Variants in DMXL1 observed in about 807,000 individuals in gnomAD.
DMXL1 encodes Dmx like 1, also known as dmX-like protein 1.
In DMXL1, 99 loss-of-function variants were observed where a neutral mutation model predicts 319.2. The observed-to-expected ratio is 0.31, with a 90% confidence interval of 0.26 to 0.37. The LOEUF (loss-of-function observed/expected upper bound fraction) is 0.37. Among genes scored for constraint, DMXL1 ranks in the 10% least tolerant of loss-of-function variants. DMXL1 has a pLI of 1.00. For missense variants in DMXL1, 3,745 were observed against 3,595.6 expected, an observed-to-expected ratio of 1.04 and a Z score of -1.06; for synonymous variants, 1,385 against 1,235.2, an observed-to-expected ratio of 1.12 and a Z score of -2.54.
intron 1 of DMXL1, among the ~76,000 whole-genome samples, chr5:119,077,433 A>G (rs1466736934): frequency 6.4e-5 from 9 of 139,772 alleles, no homozygotes; most frequent in Non-Finnish European, 1.4e-4. Context: ...CCAGTTTTAC[A>G]TTTTGATTTA....
chr5:119,101,439 T>C (rs902241988), intron 2 of DMXL1, among the ~76,000 whole-genome samples: 1 of 152,212 alleles, frequency 6.6e-6, no homozygotes, highest in Non-Finnish European at 1.5e-5. Context: ...GGAAAGGTTA[T>C]GATCCATCAA....
At chr5:119,165,426 A>G (rs1015790068) in intron 21 of DMXL1, 146 bp downstream of exon 21, 6 of 536,124 alleles carry the variant, frequency 1.1e-5, no homozygotes, top group African/African-American at 9.7e-5. Flanking sequence ...GAGATTTCGT[A>G]AGGAAAAAGC....
At chr5:119,218,904 T>A (rs575615927) in intron 35 of DMXL1, among the ~76,000 whole-genome samples, 1 of 152,326 alleles carries the variant, frequency 6.6e-6, no homozygotes, top group South Asian at 2.1e-4. Flanking sequence ...ATGAAGGGTC[T>A]CAGATTTTAC....
At chr5:119,224,048 T>C (rs954839118) in intron 37 of DMXL1, among the ~76,000 whole-genome samples, 3 of 152,130 alleles carry the variant, frequency 2.0e-5, no homozygotes, top group African/African-American at 7.2e-5. Context: ...TTATCCCTCT[T>C]CTTTTCTCTG....
At chr5:119,116,810 A>C in intron 7 of DMXL1, among the ~76,000 whole-genome samples, 1 of 152,184 alleles carries the variant, frequency 6.6e-6, no homozygotes, top group Middle Eastern at 3.2e-3. Flanking sequence ...TGAGGAAAAG[A>C]GAGAGTAGGT....
At position 119,167,752 on chromosome 5, in the gene DMXL1, G is replaced by T. The variant is rs760451877; in HGVS notation, c.5286G>T (p.Leu1762Phe). The T allele has an allele frequency of 4.0e-5, 65 of 1,613,516 alleles. No homozygotes were observed. In the South Asian group the frequency reaches 6.9e-4, roughly 17 times the overall value. Residue 1762 changes from leucine to phenylalanine, a missense_variant, in exon 23 of 44, where the codon TTG (leucine) becomes TTT (phenylalanine). Leu to Phe is a conservative substitution (Grantham distance 22, BLOSUM62 0). Transcript: ENST00000539542. ...IDSPVSELCS[L>F]NINMHHDPFL... Reference sequence around the variant, plus strand: ...CTCCTGTCAGTGAACTGTGTTCATTGAACATAAATATGCATCATGATCCTT... The same window carrying T: ...CTCCTGTCAGTGAACTGTGTTCATTTAACATAAATATGCATCATGATCCTT...
chr5:119,147,364 A>G lies in DMXL1; in HGVS notation c.2805A>G (p.Ala935=), dbSNP rs779481577. 2 of 1,613,582 alleles carry G rather than the reference A, an allele frequency of 1.2e-6. No individual in the cohort carries two copies. The highest frequency in any genetic ancestry group is 4.5e-5 in the East Asian group (2 of 44,842). The change falls in exon 17 of 44, where the codon GCA becomes GCG. Residue 935 remains alanine, a synonymous_variant. Coordinates refer to ENST00000539542, the MANE Select transcript of DMXL1 (RefSeq NM_001290321.3). ...PFSQKYQACR[A]NLQSTSRLTL... The stretch of plus-strand genomic sequence containing the variant: ...CACAAAAGTATCAGGCTTGCAGAGC[A>G]AATCTCCAGAGTACCAGCAGGTTGA...
chr5:119,082,433 C>T (rs1182166348), intron 1 of DMXL1, among the ~76,000 whole-genome samples: 2 of 152,104 alleles, frequency 1.3e-5, no homozygotes, highest in East Asian at 3.9e-4. Context: ...TCCCACCATG[C>T]CTGGCTAATT....
intron 37 of DMXL1, among the ~76,000 whole-genome samples, chr5:119,223,173 C>T (rs1339559537): frequency 6.6e-6 from 1 of 151,224 alleles, no homozygotes; most frequent in Non-Finnish European, 1.5e-5. Context: ...TCTCCTGCCT[C>T]AGCCTCCCTA....
intron 4 of DMXL1, among the ~76,000 whole-genome samples, chr5:119,107,288 C>T (rs1385689935): frequency 6.6e-6 from 1 of 151,830 alleles, no homozygotes; most frequent in Non-Finnish European, 1.5e-5. Flanking sequence ...CTGCAGTGAG[C>T]CATGATTGTG....
chr5:119,165,819 A>G (rs776862342), intron 21 of DMXL1, among the ~76,000 whole-genome samples: 73 of 152,340 alleles, frequency 4.8e-4, no homozygotes, highest in East Asian at 1.2e-3. Context: ...ACTTGCCCCA[A>G]TGATTCAGTT....
Position 119,206,855 on chromosome 5 carries a change from A to T in DMXL1, c.7885A>T (p.Thr2629Ser). The T allele has an allele frequency of 6.5e-7, 1 of 1,529,420 alleles. No homozygotes were observed. The highest frequency in any genetic ancestry group is 8.8e-7 in the Non-Finnish European group (1 of 1,142,626). The allele number at this position is 1,529,420 out of a possible 1,614,324, so 94.7% of individuals were successfully genotyped here. ...LNESLEDNSE[T>S]IKNSMMEEPN... ...GAAGTCATTAGAGGACAACAGTGAA[A>T]CCATCAAAAATTCTATGATGGAGGA... is the stretch of plus-strand genomic sequence containing the variant. The change falls in exon 34 of 44, where the codon ACC (threonine) becomes TCC (serine). Residue 2629 changes from threonine (T) to serine (S), a missense_variant. Physicochemically the swap from Thr to Ser is moderately conservative, Grantham distance 58. Around this residue, in one of 4 missense-constraint regions of DMXL1, gnomAD observed 1,382 missense variants for 1,269.5 expected, o/e 1.09. Coordinates refer to ENST00000539542, the MANE Select transcript of DMXL1 (RefSeq NM_001290321.3).
chr5:119,240,358 G>A (rs1419902919), intron 41 of DMXL1, 61 bp from the exon 42 acceptor site: 1 of 1,208,826 alleles, frequency 8.3e-7, no homozygotes. Flanking sequence ...AGTTATATAT[G>A]ACATATTTTT....
chr5:119,115,818 G>A (rs1011416127), intron 6 of DMXL1, among the ~76,000 whole-genome samples: 1 of 151,964 alleles, frequency 6.6e-6, no homozygotes, highest in African/African-American at 2.4e-5. Context: ...GTCTGCTAGT[G>A]GTGTTGATTA....
In DMXL1 at chr5:119,121,029, C is replaced by A; in HGVS notation, c.992C>A (p.Thr331Lys). ...RRRSLALVAHTGYLPHQQDPH... is the reference protein window; with the variant it reads ...RRRSLALVAHKGYLPHQQDPH... The stretch of plus-strand genomic sequence containing the variant: ...AGATCACTTGCTCTTGTAGCACATA[C>A]GGGATATCTACCACATCAGCAGGAT... Residue 331 changes from threonine to lysine, a missense_variant, in exon 9 of 44, where the codon ACG (threonine) becomes AAG (lysine). Transcript: ENST00000539542. The A allele has an allele frequency of 1.9e-6, 3 of 1,613,618 alleles. No homozygotes were observed. Among genetic ancestry groups the A allele is most frequent in the Non-Finnish European group, 2.5e-6 (3 of 1,179,866 alleles).
chr5:119,099,026 A>G (rs1756623801), intron 2 of DMXL1, among the ~76,000 whole-genome samples: 4 of 152,174 alleles, frequency 2.6e-5, no homozygotes, highest in Admixed American at 2.6e-4. Context: ...GAATCTTTAC[A>G]TATTTGTTGG....
chr5:119,169,175 G>GC (rs1427161317), intron 23 of DMXL1, among the ~76,000 whole-genome samples: 2 of 152,134 alleles, frequency 1.3e-5, no homozygotes, highest in African/African-American at 4.8e-5. Flanking sequence ...ACCACACCTG[G>GC]CCCTGGCCCA....
chr5:119,184,645 C>T (rs1777374146), intron 28 of DMXL1, among the ~76,000 whole-genome samples: 1 of 152,174 alleles, frequency 6.6e-6, no homozygotes, highest in South Asian at 2.1e-4. Context: ...AACAATTCCC[C>T]CACTTCATAC....
At chr5:119,162,883 T>C (rs1772576360) in intron 19 of DMXL1, among the ~76,000 whole-genome samples, 1 of 152,202 alleles carries the variant, frequency 6.6e-6, no homozygotes, top group Non-Finnish European at 1.5e-5. Flanking sequence ...GTGTTCCGTA[T>C]AGAAAGCATT....
Sources: gnomAD v4.1 joint callset for allele counts (sites outside exome capture counted in the v4.1 genomes callset) on GRCh38, gnomAD v4.1.1 for gene constraint, gnomAD v4.1.1 regional missense constraint, MANE v1.5 for transcripts, NCBI Gene and HGNC (gene_info 2026-07-23, HGNC 2026-07-21) for gene names.